The following CEP170 variants were observed in gnomAD, a reference collection of about 807,000 sequenced individuals.
CEP170 encodes the protein centrosomal protein of 170 kDa.
Under a neutral mutation model 151.9 loss-of-function variants are expected in CEP170, and 21 were observed. The ratio of observed to expected loss-of-function variants is 0.14; its 90% CI spans 0.10 to 0.20. CEP170 has a LOEUF of 0.20. Among genes scored for constraint, CEP170 ranks in the 10% least tolerant of loss-of-function variants. The pLI, the probability that CEP170 is intolerant of heterozygous loss-of-function variation, is 1.00. For synonymous variants in CEP170, 356 were observed against 648.8 expected, an observed-to-expected ratio of 0.55 and a Z score of 6.86; for missense variants, 964 against 1,892.9, an observed-to-expected ratio of 0.51 and a Z score of 9.11.
chr1:243,139,905 C>T, intron 16 of CEP170, 32 bp downstream of exon 16: 3 of 1,602,108 alleles, frequency 1.9e-6, no homozygotes, highest in Admixed American at 1.7e-5. Context: ...TATGCTGCTT[C>T]TGCCACATGT....
At chr1:243,215,083 A>T (rs1036543205) in intron 3 of CEP170, among the ~76,000 whole-genome samples, 4 of 152,208 alleles carry the variant, frequency 2.6e-5, no homozygotes, top group African/African-American at 9.7e-5. Flanking sequence ...AAATCTCTGA[A>T]CATAAATTGT....
intron 4 of CEP170, among the ~76,000 whole-genome samples, chr1:243,207,528 A>C (rs1225650537): frequency 2.6e-5 from 4 of 152,076 alleles, no homozygotes; most frequent in African/African-American, 9.7e-5. Flanking sequence ...CACCAAGCCA[A>C]CCTGGCCTAA....
At chr1:243,190,265 G>C (rs1484424923) in intron 8 of CEP170, among the ~76,000 whole-genome samples, 1 of 152,084 alleles carries the variant, frequency 6.6e-6, no homozygotes, top group Non-Finnish European at 1.5e-5. Flanking sequence ...TTAAATAAAA[G>C]ATAGGGTAAC....
chr1:243,142,321 C>G lies in CEP170; in HGVS notation c.4054G>C (p.Glu1352Gln). 6.3e-7 allele frequency: 1 copy of G among 1,596,036 alleles called. No individual in the cohort carries two copies. Among genetic ancestry groups the G allele is most frequent in the Non-Finnish European group, 8.5e-7 (1 of 1,173,792 alleles). The change falls in exon 15 of 20, where the codon GAA becomes CAA. Residue 1352 changes from glutamate to glutamine, a missense_variant. By Grantham distance (29) the Glu-to-Gln change is conservative. Coordinates refer to ENST00000366542, the MANE Select transcript of CEP170 (RefSeq NM_014812.3). ...TCTCCATGAAGATCTCCTACCTCTT[C>G]TCTAGTGTCTATGGCAGAGCCAGGG... ...TTPGSAIDTREELVDRVFDES... is the reference protein window; with the variant it reads ...TTPGSAIDTRQELVDRVFDES...
In CEP170 at chr1:243,126,077, G is replaced by A; in HGVS notation, c.*372C>T. The A allele has an allele frequency of 2.2e-6, 1 of 460,454 alleles. No homozygotes were observed. The highest frequency in any genetic ancestry group is 1.5e-5 in the South Asian group (1 of 64,564). The allele number at this position is 460,454 out of a possible 1,614,324, so 28.5% of individuals were successfully genotyped here. The stretch of plus-strand genomic sequence containing the variant: ...CCATTTCAGGGAGCAGCTTGGCACA[G>A]GAGACTTAGGGGTTCAGAAATGTTG... On this transcript the variant is annotated 3_prime_UTR_variant, in exon 20 of 20. Coordinates refer to ENST00000366542, the MANE Select transcript of CEP170 (RefSeq NM_014812.3).
chr1:243,186,895 G>A (rs1043890012), intron 8 of CEP170, among the ~76,000 whole-genome samples: 1 of 152,186 alleles, frequency 6.6e-6, no homozygotes, highest in Non-Finnish European at 1.5e-5. Context: ...AAAATGTGAT[G>A]AATCTTAAGC....
chr1:243,225,996 C>A (rs1233348309), intron 1 of CEP170, among the ~76,000 whole-genome samples: 1 of 136,786 alleles, frequency 7.3e-6, no homozygotes, highest in African/African-American at 3.1e-5. Context: ...TATATATACA[C>A]GTATATATAT....
At chr1:243,146,604 T>G (rs1383487750) in intron 14 of CEP170, among the ~76,000 whole-genome samples, 1 of 151,562 alleles carries the variant, frequency 6.6e-6, no homozygotes, top group Non-Finnish European at 1.5e-5. Context: ...TACTCACTCA[T>G]GCTCTCCCCT....
In CEP170 at chr1:243,218,157, T is replaced by C. The variant is rs550152209; in HGVS notation, c.195+3567A>G. ...CTCTGCCAGCTACAAAAGCCTCCTC[T>C]CCTTCCCTAACCTTTCCTTTCAACC... On this transcript the variant is annotated intron_variant, in intron 3 of 19. Coordinates refer to ENST00000366542, the MANE Select transcript of CEP170 (RefSeq NM_014812.3). 7.2e-5 allele frequency among the ~76,000 whole-genome samples: 11 copies of C among 152,334 alleles called. No homozygotes were observed. The South Asian group carries it at 2.3e-3, about 32-fold the overall frequency.
chr1:243,166,505 G>T (rs2058453720), intron 12 of CEP170: 2 of 180,306 alleles, frequency 1.1e-5, no homozygotes, highest in Admixed American at 1.1e-4. Context: ...ATTCACAGAT[G>T]CAAAACCCAC....
intron 14 of CEP170, among the ~76,000 whole-genome samples, chr1:243,146,685 G>A (rs1292430237): frequency 1.3e-5 from 2 of 149,246 alleles, no homozygotes. Context: ...AAAAAAACCC[G>A]AGATATTAGC....
chr1:243,243,029 G>A (rs1349369948), intron 1 of CEP170, among the ~76,000 whole-genome samples: 1 of 152,194 alleles, frequency 6.6e-6, no homozygotes, highest in Non-Finnish European at 1.5e-5. Context: ...ATTCTCTATA[G>A]CAGATCCTTA....
At chr1:243,189,548 T>G (rs761578323) in intron 8 of CEP170, among the ~76,000 whole-genome samples, 2 of 141,666 alleles carry the variant, frequency 1.4e-5, no homozygotes, top group African/African-American at 5.3e-5. Flanking sequence ...AAAGCGAGAC[T>G]CTGTCTCCAA....
chr1:243,241,848 G>A (rs2064876589), intron 1 of CEP170, among the ~76,000 whole-genome samples: 1 of 151,546 alleles, frequency 6.6e-6, no homozygotes, highest in Admixed American at 6.6e-5. Flanking sequence ...CCTTCAGCTT[G>A]GATTGCATGG....
intron 1 of CEP170, among the ~76,000 whole-genome samples, chr1:243,245,443 C>T (rs918930035): frequency 2.0e-5 from 3 of 152,064 alleles, no homozygotes; most frequent in African/African-American, 7.2e-5. Context: ...TTGGCCAGTG[C>T]GGTGGCTCAC....
At chr1:243,190,881 A>C in intron 8 of CEP170, 137 bp downstream of exon 8, 1 of 1,347,530 alleles carries the variant, frequency 7.4e-7, no homozygotes, top group African/African-American at 1.5e-5. Flanking sequence ...CTTCCTGTTT[A>C]GTTTTAAGAC....
intron 3 of CEP170, among the ~76,000 whole-genome samples, chr1:243,213,801 C>T (rs1257516996): frequency 1.3e-5 from 2 of 152,116 alleles, no homozygotes; most frequent in African/African-American, 2.4e-5. Context: ...AAGCCTCGAC[C>T]TCCCAGGCTC....
At chr1:243,162,274 T>TA (rs2058127784) in intron 13 of CEP170, among the ~76,000 whole-genome samples, 1 of 152,334 alleles carries the variant, frequency 6.6e-6, no homozygotes, top group African/African-American at 2.4e-5. Flanking sequence ...CTAGAATAGA[T>TA]ACGGTAGAAA....
intron 12 of CEP170, among the ~76,000 whole-genome samples, chr1:243,167,530 A>ATTT (rs1376248034): frequency 3.3e-5 from 5 of 151,864 alleles, no homozygotes; most frequent in Non-Finnish European, 7.4e-5. Context: ...TAAAAATGGA[A>ATTT]TGTATTTCTG....
Sources: gnomAD v4.1 joint callset for allele counts (sites outside exome capture counted in the v4.1 genomes callset) on GRCh38, gnomAD v4.1.1 for gene constraint, MANE v1.5 for transcripts, NCBI Gene and HGNC (gene_info 2026-07-23, HGNC 2026-07-21) for gene names.